The following DAB1 variants were observed in gnomAD, a reference collection of about 807,000 sequenced individuals.
DAB1 encodes DAB adaptor protein 1, also known as disabled homolog 1.
DAB1 carries 15 observed loss-of-function variants against 64.6 expected under a neutral mutation model. That is an observed-to-expected ratio of 0.23 (90% CI 0.16 to 0.36). The LOEUF (loss-of-function observed/expected upper bound fraction) is 0.36. Among genes scored for constraint, DAB1 ranks in the 10% least tolerant of loss-of-function variants. The pLI is 1.00. For missense variants in DAB1, 596 were observed against 706.7 expected, an observed-to-expected ratio of 0.84 and a Z score of 1.78; for synonymous variants, 235 against 251.9, an observed-to-expected ratio of 0.93 and a Z score of 0.64.
chr1:58,001,942 T>C (rs945966769), intron 5 of DAB1, among the ~76,000 whole-genome samples: 1 of 152,120 alleles, frequency 6.6e-6, no homozygotes, highest in Non-Finnish European at 1.5e-5. Context: ...GAAAAGGTGG[T>C]ATAAAGATGT....
chr1:57,273,080 C>G (rs540685717), intron 2 of DAB1, among the ~76,000 whole-genome samples: 2 of 152,252 alleles, frequency 1.3e-5, no homozygotes, highest in South Asian at 4.2e-4. Context: ...TTTGCACCAC[C>G]TTTTAACCCA....
chr1:57,026,427 C>A (rs1346066681), intron 9 of DAB1, among the ~76,000 whole-genome samples: 2 of 152,178 alleles, frequency 1.3e-5, no homozygotes, highest in Non-Finnish European at 2.9e-5. Context: ...TCCACACATA[C>A]AACTTGCCTT....
At chr1:58,373,645 C>CCG (rs1644293343) in intron 3 of DAB1, among the ~76,000 whole-genome samples, 2 of 151,826 alleles carry the variant, frequency 1.3e-5, no homozygotes, top group East Asian at 1.9e-4. Context: ...GTCTTTATAG[C>CCG]CACGTGTCTT....
chr1:57,435,046 CTTTTTT>C (rs71580850), intron 7 of DAB1, among the ~76,000 whole-genome samples: 2 of 93,078 alleles, frequency 2.1e-5, no homozygotes, highest in Non-Finnish European at 4.0e-5. Context: ...TTCTTTTTTT[CTTTTTT>C]TTTTTTTTTT....
intron 4 of DAB1, among the ~76,000 whole-genome samples, chr1:58,258,366 G>A (rs569599954): frequency 2.0e-5 from 3 of 152,214 alleles, no homozygotes; most frequent in South Asian, 2.1e-4. Context: ...CTTTTAAACC[G>A]ACAGCCTGAG....
chr1:57,351,645 G>C (rs921726464), intron 1 of DAB1, among the ~76,000 whole-genome samples: 1 of 152,120 alleles, frequency 6.6e-6, no homozygotes, highest in Non-Finnish European at 1.5e-5. Context: ...TTGTGTGTGT[G>C]TGTGAACATT....
intron 5 of DAB1, among the ~76,000 whole-genome samples, chr1:58,027,365 G>C (rs1646909636): frequency 6.6e-6 from 1 of 152,052 alleles, no homozygotes; most frequent in South Asian, 2.1e-4. Context: ...GCCCAGCCTT[G>C]ATTGGATTTT....
chr1:58,444,757 G>C (rs1175973893), intron 3 of DAB1, among the ~76,000 whole-genome samples: 5 of 152,178 alleles, frequency 3.3e-5, no homozygotes, highest in Non-Finnish European at 7.4e-5. Flanking sequence ...CTGATGAGTA[G>C]CACTAATGTT....
Position 57,287,778 on chromosome 1 carries a change from T to TTTTTTTTATTTATTTATTTA in DAB1, c.67+3185_67+3186insTAAATAAATAAATAAAAAAA, listed in dbSNP as rs1553164513. On this transcript the variant is annotated intron_variant, in intron 2 of 14. Coordinates refer to ENST00000371236, the MANE Select transcript of DAB1 (RefSeq NM_001365792.1). Reference sequence around the variant, plus strand: ...CTGTTACCAGCACGTTTTCTCTCTCTTTTATTTATTTATTTATTTATTTAT... The same window carrying TTTTTTTTATTTATTTATTTA: ...CTGTTACCAGCACGTTTTCTCTCTCTTTTTTTTATTTATTTATTTATTTATTTATTTATTTATTTATTTAT... 9.0e-5 allele frequency among the ~76,000 whole-genome samples: 13 copies of TTTTTTTTATTTATTTATTTA among 144,144 alleles called. No homozygotes were observed. In the East Asian group the frequency reaches 2.5e-3, roughly 27 times the overall value. The allele number at this position is 144,144 out of a possible 152,430, so 94.6% of individuals were successfully genotyped here. A position where few individuals can be genotyped will look rare whatever the true frequency, so the allele number is the denominator to read the frequency against.
chr1:58,075,223 G>C (rs1316158053), intron 5 of DAB1, among the ~76,000 whole-genome samples: 1 of 152,166 alleles, frequency 6.6e-6, no homozygotes, highest in Non-Finnish European at 1.5e-5. Flanking sequence ...AGCATTTTAA[G>C]GTGGATTGAG....
chr1:57,093,092 A>G (rs1289128365), intron 4 of DAB1, among the ~76,000 whole-genome samples: 1 of 152,218 alleles, frequency 6.6e-6, no homozygotes, highest in East Asian at 1.9e-4. Context: ...GTACTGTTCC[A>G]TAGCTGCACA....
At chr1:58,140,206 T>C (rs1191199439) in intron 5 of DAB1, among the ~76,000 whole-genome samples, 3 of 152,236 alleles carry the variant, frequency 2.0e-5, no homozygotes, top group African/African-American at 7.2e-5. Context: ...AAGATGCTAC[T>C]TGAGGCTCAA....
intron 8 of DAB1, 105 bp from the exon 9 acceptor site, chr1:57,063,048 A>C: frequency 1.0e-6 from 1 of 963,864 alleles, no homozygotes; most frequent in Non-Finnish European, 1.6e-6. Flanking sequence ...GTGCCTGAGA[A>C]TGGCCCCAGG....
chr1:57,382,673 C>G (rs1294465421), intron 1 of DAB1, among the ~76,000 whole-genome samples: 1 of 152,098 alleles, frequency 6.6e-6, no homozygotes, highest in African/African-American at 2.4e-5. Context: ...ATGGTAAGTC[C>G]TTCTCACGCT....
chr1:57,152,962 A>T (rs1659835872), intron 2 of DAB1, among the ~76,000 whole-genome samples: 1 of 152,104 alleles, frequency 6.6e-6, no homozygotes, highest in South Asian at 2.1e-4. Flanking sequence ...TGAGCACGTA[A>T]CTCTAAGATA....
chr1:58,462,392 G>A (rs983130949), intron 3 of DAB1, among the ~76,000 whole-genome samples: 1 of 152,078 alleles, frequency 6.6e-6, no homozygotes, highest in African/African-American at 2.4e-5. Flanking sequence ...TCCCAAAGAA[G>A]GTTTCTTAAC....
chr1:57,981,103 C>T (rs1037042031), intron 5 of DAB1, among the ~76,000 whole-genome samples: 2 of 151,966 alleles, frequency 1.3e-5, no homozygotes, highest in Non-Finnish European at 2.9e-5. Context: ...AAACCTAGCT[C>T]TACTTTATAA....
At chr1:57,822,307 G>C (rs1024324015), downstream of DAB1, among the ~76,000 whole-genome samples, 5 of 152,030 alleles carry the variant, frequency 3.3e-5, no homozygotes, top group African/African-American at 1.2e-4. Context: ...TATCCAAAGG[G>C]AGTGCTGATG....
At chr1:57,801,481 G>C (rs11804137) in intron 6 of DAB1, among the ~76,000 whole-genome samples, 4 of 152,038 alleles carry the variant, frequency 2.6e-5, no homozygotes, top group Admixed American at 6.6e-5. Flanking sequence ...AAATATAGAA[G>C]ACTTATCTTT....
Sources: allele counts gnomAD v4.1 joint callset (sites outside exome capture counted in the v4.1 genomes callset), GRCh38; gene constraint gnomAD v4.1.1; transcripts MANE v1.5; gene names NCBI Gene and HGNC (gene_info 2026-07-23, HGNC 2026-07-21).